The following SDK1 variants were observed in gnomAD, a reference collection of about 807,000 sequenced individuals.
SDK1 encodes the protein sidekick cell adhesion molecule 1.
A neutral mutation model predicts 245.5 loss-of-function variants in SDK1; 157 were observed. The observed-to-expected ratio is 0.64, with a 90% CI of 0.56 to 0.73. SDK1 has a LOEUF of 0.73. SDK1 is among the 30% of genes least tolerant of loss of function. The pLI, the probability that SDK1 is intolerant of heterozygous loss-of-function variation, is 0.00. For missense variants in SDK1, 3,583 were observed against 3,002.3 expected (o/e 1.19, Z -4.52); for synonymous variants, 1,647 against 1,278.5 (o/e 1.29, Z -6.15).
chr7:4,235,161 A>C (rs975075767), intron 41 of SDK1, among the ~76,000 whole-genome samples: 29 of 151,888 alleles, frequency 1.9e-4, no homozygotes, highest in Non-Finnish European at 5.9e-5. Context: ...GACCCAGAGG[A>C]CCACCTGATT....
intron 5 of SDK1, among the ~76,000 whole-genome samples, chr7:3,861,236 A>G (rs1780684904): frequency 6.6e-6 from 1 of 152,222 alleles, no homozygotes; most frequent in Admixed American, 6.5e-5. Flanking sequence ...ATGCAATATT[A>G]TATGCAAAGG....
At chr7:3,491,653 C>G (rs998142019) in intron 1 of SDK1, among the ~76,000 whole-genome samples, 22 of 152,192 alleles carry the variant, frequency 1.4e-4, no homozygotes, top group African/African-American at 5.3e-4. Flanking sequence ...CTTGCAGTTA[C>G]TAATTAAGGC....
intron 5 of SDK1, among the ~76,000 whole-genome samples, chr7:3,929,166 G>T (rs1779886262): frequency 2.0e-5 from 3 of 152,202 alleles, no homozygotes; most frequent in Admixed American, 2.0e-4. Context: ...TGGTTAAACG[G>T]TTATCTGAAG....
chr7:3,306,418 C>T (rs1464312513), intron 1 of SDK1, among the ~76,000 whole-genome samples: 1 of 152,024 alleles, frequency 6.6e-6, no homozygotes, highest in African/African-American at 2.4e-5. Context: ...TGGGAGTGCA[C>T]CAACTATTTA....
chr7:3,411,309 A>T (rs968362007), intron 1 of SDK1, among the ~76,000 whole-genome samples: 1 of 152,196 alleles, frequency 6.6e-6, no homozygotes, highest in Non-Finnish European at 1.5e-5. Flanking sequence ...GAGAACTAAG[A>T]AAAGGCAGTT....
rs748438211 is a variant in SDK1, at chr7:4,158,603, G to A, written c.4729+52G>A. 1.9e-5 allele frequency: 25 copies of A among 1,338,708 alleles called. No individual in the cohort carries two copies. The Middle Eastern group carries it at 5.7e-4, about 31-fold the overall frequency. The allele number at this position is 1,338,708 out of a possible 1,614,324, so 82.9% of individuals were successfully genotyped here. On this transcript the variant is annotated intron_variant, in intron 31 of 44. Transcript: ENST00000404826. ...TTCCTGGCCGCTGCCCCTGGAGCCC[G>A]AGATACTTAGGCCACACTTTCGTCT...
intron 1 of SDK1, among the ~76,000 whole-genome samples, chr7:3,586,559 G>A (rs1041367054): frequency 3.3e-5 from 5 of 151,442 alleles, no homozygotes; most frequent in African/African-American, 1.2e-4. Context: ...AAAAAAATTA[G>A]CTGGGCATTG....
At chr7:3,753,905 C>A (rs920889459) in intron 4 of SDK1, among the ~76,000 whole-genome samples, 3 of 152,132 alleles carry the variant, frequency 2.0e-5, no homozygotes, top group Non-Finnish European at 4.4e-5. Flanking sequence ...ATTCAGCATT[C>A]TCTATAAAAT....
chr7:4,027,120 C>T (rs1016516369), intron 17 of SDK1, among the ~76,000 whole-genome samples: 1 of 152,194 alleles, frequency 6.6e-6, no homozygotes, highest in Non-Finnish European at 1.5e-5. Context: ...CGGCTCCCAG[C>T]CCCTGGCTTG....
intron 4 of SDK1, among the ~76,000 whole-genome samples, chr7:3,741,115 C>T (rs1275900220): frequency 6.6e-6 from 1 of 152,184 alleles, no homozygotes; most frequent in East Asian, 1.9e-4. Flanking sequence ...TTGAAAATTC[C>T]ATCCTGCCAC....
intron 35 of SDK1, among the ~76,000 whole-genome samples, chr7:4,195,694 A>G (rs534781609): frequency 5.3e-5 from 8 of 152,232 alleles, no homozygotes; most frequent in Non-Finnish European, 1.2e-4. Context: ...ACCCTGGGTA[A>G]ATTACTCCAC....
chr7:3,439,155 C>G (rs1006550425), intron 1 of SDK1, among the ~76,000 whole-genome samples: 3 of 152,046 alleles, frequency 2.0e-5, no homozygotes, highest in Non-Finnish European at 2.9e-5. Flanking sequence ...GCCCGGCCCC[C>G]CTTTCTATTA....
At chr7:4,181,173 G>C (rs1375376108) in intron 35 of SDK1, among the ~76,000 whole-genome samples, 1 of 152,204 alleles carries the variant, frequency 6.6e-6, no homozygotes, top group Non-Finnish European at 1.5e-5. Flanking sequence ...CTCGATACTT[G>C]GTACAAATGG....
intron 1 of SDK1, among the ~76,000 whole-genome samples, chr7:3,502,639 C>T (rs1220638327): frequency 2.0e-5 from 3 of 152,062 alleles, no homozygotes; most frequent in South Asian, 2.1e-4. Flanking sequence ...CAGAACTACC[C>T]GTTTTGTGTA....
intron 1 of SDK1, among the ~76,000 whole-genome samples, chr7:3,407,664 C>G (rs915680331): frequency 6.6e-6 from 1 of 152,176 alleles, no homozygotes; most frequent in Non-Finnish European, 1.5e-5. Flanking sequence ...TATAAACTCC[C>G]AAGCTGGATA....
intron 2 of SDK1, among the ~76,000 whole-genome samples, chr7:3,629,953 G>T (rs573585963): frequency 6.6e-6 from 1 of 152,102 alleles, no homozygotes; most frequent in Non-Finnish European, 1.5e-5. Context: ...ACACAAAAAA[G>T]GCAGAAATCT....
intron 1 of SDK1, among the ~76,000 whole-genome samples, chr7:3,499,296 C>T (rs1001274316): frequency 2.6e-5 from 4 of 152,138 alleles, no homozygotes; most frequent in African/African-American, 9.7e-5. Context: ...TTCTCAGGCA[C>T]TAACTTGCTA....
At chr7:3,841,826 G>A (rs1040467897) in intron 5 of SDK1, among the ~76,000 whole-genome samples, 7 of 152,150 alleles carry the variant, frequency 4.6e-5, no homozygotes, top group African/African-American at 1.7e-4. Flanking sequence ...GCCTCCCAAA[G>A]TGCTGGAATT....
rs778212824 is a variant in SDK1, at chr7:4,265,108, C to T, written c.6382-16C>T. The T allele has an allele frequency of 1.2e-6, 2 of 1,607,256 alleles. No homozygotes were observed. The highest frequency in any genetic ancestry group is 1.7e-5 in the Admixed American group (1 of 59,786). ...GCCCTGCCCTGCACTCACACCTTCT[C>T]TCCCGCTCCCCGCAGGCCACGGACT... On this transcript the variant is annotated splice_polypyrimidine_tract_variant and intron_variant, in intron 44 of 44. Coordinates refer to ENST00000404826, the MANE Select transcript of SDK1 (RefSeq NM_152744.4).
Sources: allele counts gnomAD v4.1 joint callset (sites outside exome capture counted in the v4.1 genomes callset), GRCh38; gene constraint gnomAD v4.1.1; transcripts MANE v1.5; gene names NCBI Gene and HGNC (gene_info 2026-07-23, HGNC 2026-07-21).